TAF1: variants seen among roughly 807,000 people sequenced by gnomAD.
The protein encoded by TAF1 is transcription initiation factor TFIID subunit 1.
A neutral mutation model predicts 138.5 loss-of-function variants in TAF1; 2 were observed. The ratio of observed to expected loss-of-function variants is 0.01; its 90% CI spans 0.01 to 0.05. The LOEUF (loss-of-function observed/expected upper bound fraction) is 0.05. TAF1 is among the 10% of genes least tolerant of loss of function. TAF1 has a pLI of 1.00. For synonymous variants in TAF1, 437 were observed against 503.2 expected, an observed-to-expected ratio of 0.87 and a Z score of 1.76; for missense variants, 709 against 1,478.0, an observed-to-expected ratio of 0.48 and a Z score of 8.53.
intron 13 of TAF1, chrX:71,528,463 T>C (rs1331717507): frequency 7.1e-6 from 2 of 283,571 alleles, no homozygotes; most frequent in Non-Finnish European, 1.4e-5. Context: ...GATTCTGTAT[T>C]GGAGGTAGTA....
At chrX:71,428,080 A>G in intron 32 of TAF1, among the ~76,000 whole-genome samples, 1 of 83,897 alleles carries the variant, frequency 1.2e-5, no homozygotes, top group East Asian at 4.0e-4. Context: ...CAGTGGCGCG[A>G]TCTTGGCTCA....
intron 32 of TAF1, among the ~76,000 whole-genome samples, chrX:71,428,073 T>G (rs2036689002): frequency 1.1e-5 from 1 of 92,975 alleles, no homozygotes; most frequent in African/African-American, 4.0e-5. Flanking sequence ...TAGAGTGCAG[T>G]GGCGCGATCT....
intron 25 of TAF1, among the ~76,000 whole-genome samples, chrX:71,405,805 G>A (rs1203884170): frequency 9.0e-6 from 1 of 111,473 alleles, no homozygotes; most frequent in Non-Finnish European, 1.9e-5. Flanking sequence ...TCAGGAGTTT[G>A]AGACCAGCTT....
At chrX:71,514,728 TA>T (rs1396267503) in intron 13 of TAF1, among the ~76,000 whole-genome samples, 1 of 111,342 alleles carries the variant, frequency 9.0e-6, no homozygotes, top group African/African-American at 3.3e-5. Context: ...AGTCAGGAAT[TA>T]AGAGTCGGGA....
chrX:71,393,213 C>A, intron 20 of TAF1, 88 bp from the exon 21 acceptor site: 2 of 1,109,297 alleles, frequency 1.8e-6, no homozygotes, highest in Non-Finnish European at 2.4e-6. Context: ...CCTTTGAAAT[C>A]CCTGAATGAT....
At chrX:71,378,051 C>T (rs1569276129) in intron 6 of TAF1, 184 bp from the exon 7 acceptor site, 4 of 589,208 alleles carry the variant, frequency 6.8e-6, no homozygotes, top group Non-Finnish European at 1.0e-5. Flanking sequence ...TGATATGCTG[C>T]TGAATAAGAA....
rs746411165 is a variant in TAF1, at chrX:71,456,424, A to G, written c.4938+1567A>G. 4.5e-5 allele frequency among the ~76,000 whole-genome samples: 5 copies of G among 110,604 alleles called. No individual in the cohort carries two copies. The South Asian group carries it at 1.5e-3, about 34-fold the overall frequency. On this transcript the variant is annotated intron_variant, in intron 34 of 37. Coordinates refer to ENST00000423759, the MANE Select transcript of TAF1 (RefSeq NM_004606.5). ...AGTTCACCTTTTCATCATTCCCTTC[A>G]CTCACAAACAGTTTAAGATAGTAAC...
chrX:71,442,014 T>C (rs1417612917), intron 32 of TAF1, among the ~76,000 whole-genome samples: 1 of 111,414 alleles, frequency 9.0e-6, no homozygotes, highest in East Asian at 2.8e-4. Flanking sequence ...TTTTTATGGC[T>C]GCATAGTATT....
At chrX:71,463,698 C>A in intron 37 of TAF1, 126 bp from the exon 38 acceptor site, 1 of 634,568 alleles carries the variant, frequency 1.6e-6, no homozygotes, top group Non-Finnish European at 2.5e-6. Context: ...GTAGAATAGT[C>A]CAGAACCAGT....
intron 13 of TAF1, among the ~76,000 whole-genome samples, chrX:71,504,116 C>CTTTA (rs1374062177): frequency 9.0e-6 from 1 of 111,148 alleles, no homozygotes; most frequent in Non-Finnish European, 1.9e-5. Context: ...TGAACAGCAG[C>CTTTA]TTTAGCATGT....
rs759892167 is a variant in TAF1 at position 71,384,126 on chromosome X, T to C, written c.2112T>C (p.Tyr704=). The C allele has an allele frequency of 1.7e-6, 2 of 1,210,684 alleles. No homozygotes were observed. The highest frequency in any genetic ancestry group is 5.9e-5 in the East Asian group (2 of 33,834). The change falls in exon 13 of 38, where the codon TAT becomes TAC. Residue 704 remains tyrosine (Y), a synonymous_variant. Transcript: ENST00000423759. ...GCATGGCAACCAAGATAAAGAACTA[T>C]TATAAACGGGTGAGTCTCTGCTCAG... The part of the protein sequence containing the change: ...QVGMATKIKN[Y]YKRKPGKDPG...
At chrX:71,451,142 T>C (rs1404878025) in intron 32 of TAF1, among the ~76,000 whole-genome samples, 2 of 112,826 alleles carry the variant, frequency 1.8e-5, no homozygotes, top group African/African-American at 6.4e-5. Context: ...GTTTTATGTA[T>C]TATGGGTATA....
chrX:71,407,954 G>A lies in TAF1; in HGVS notation c.4207-20G>A. The stretch of plus-strand genomic sequence containing the variant: ...GGCAACTGTTATTTGCTGATGTATG[G>A]TTCTGGCCCTTGTTTGCAGACATAC... On this transcript the variant is annotated intron_variant, in intron 27 of 37. Transcript: ENST00000423759. 8.3e-7 allele frequency: 1 copy of A among 1,204,193 alleles called. No individual in the cohort carries two copies. The highest frequency in any genetic ancestry group is 1.1e-6 in the Non-Finnish European group (1 of 892,203).
At chrX:71,370,999 G>T (rs1440508686) in intron 3 of TAF1, among the ~76,000 whole-genome samples, 1 of 111,903 alleles carries the variant, frequency 8.9e-6, no homozygotes, top group Non-Finnish European at 1.9e-5. Context: ...TTGATGGGCT[G>T]CAAGAATAGG....
chrX:71,366,626 C>T (rs1421265168), intron 1 of TAF1, 132 bp downstream of exon 1: 1 of 688,362 alleles, frequency 1.5e-6, no homozygotes, highest in East Asian at 3.5e-5. Context: ...AGGATCCCGT[C>T]CTCATGGGTG....
Position 71,406,765 on chromosome X carries a change from T to A in TAF1, c.4107+19T>A. The stretch of plus-strand genomic sequence containing the variant: ...TTTGAATGTGAGTATGTGCATTGCT[T>A]CCTTCTGATTAGGTAGGTTATCATT... On this transcript the variant is annotated intron_variant, in intron 26 of 37. Coordinates refer to ENST00000423759, the MANE Select transcript of TAF1 (RefSeq NM_004606.5). The A allele has an allele frequency of 8.6e-7, 1 of 1,164,752 alleles. No individual in the cohort carries two copies. The highest frequency in any genetic ancestry group is 1.2e-6 in the Non-Finnish European group (1 of 854,018).
chrX:71,429,216 A>G (rs999759225), intron 32 of TAF1, among the ~76,000 whole-genome samples: 22 of 110,465 alleles, frequency 2.0e-4, no homozygotes, highest in African/African-American at 7.3e-4. Context: ...CGGAGCTTGC[A>G]GTGAGCTGAG....
chrX:71,528,817 AG>A, intron 14 of TAF1: 1 of 260,765 alleles, frequency 3.8e-6, no homozygotes, highest in Admixed American at 4.7e-5. Flanking sequence ...AAGCTTCCAT[AG>A]CGTGAAAGGG....
At chrX:71,511,099 G>A (rs1389907136) in intron 13 of TAF1, among the ~76,000 whole-genome samples, 1 of 109,339 alleles carries the variant, frequency 9.1e-6, no homozygotes, top group Non-Finnish European at 1.9e-5. Context: ...GTGAAACTCT[G>A]TCTCAAAAAT....
Sources: gnomAD v4.1 joint callset for allele counts (sites outside exome capture counted in the v4.1 genomes callset) on GRCh38, gnomAD v4.1.1 for gene constraint, MANE v1.5 for transcripts, NCBI Gene and HGNC (gene_info 2026-07-23, HGNC 2026-07-21) for gene names.